Variants in SORBS2 observed in about 807,000 individuals in gnomAD.
The protein encoded by SORBS2 is sorbin and SH3 domain containing 2.
SORBS2 carries 46 observed loss-of-function variants against 97.7 expected under a neutral mutation model. That is an observed-to-expected ratio of 0.47 (90% CI 0.37 to 0.60). The LOEUF is 0.60. SORBS2 is among the 20% of genes least tolerant of loss of function. SORBS2 has a pLI of 0.00. For missense variants in SORBS2, 1,316 were observed against 1,282.3 expected, an observed-to-expected ratio of 1.03 and a Z score of -0.40; for synonymous variants, 476 against 473.4, an observed-to-expected ratio of 1.01 and a Z score of -0.07.
chr4:185,908,752 T>C (rs138444700), intron 1 of SORBS2, among the ~76,000 whole-genome samples: 1 of 152,134 alleles, frequency 6.6e-6, no homozygotes, highest in Non-Finnish European at 1.5e-5. Flanking sequence ...GAGTAAGATA[T>C]AGGAGACCCA....
At chr4:185,751,897 G>T (rs1380072253) in intron 2 of SORBS2, among the ~76,000 whole-genome samples, 1 of 152,140 alleles carries the variant, frequency 6.6e-6, no homozygotes, top group Non-Finnish European at 1.5e-5. Context: ...CTAGGATAGT[G>T]GTGCTCAACC....
intron 1 of SORBS2, among the ~76,000 whole-genome samples, chr4:185,893,759 G>A (rs367959605): frequency 1.3e-5 from 2 of 152,140 alleles, no homozygotes; most frequent in South Asian, 4.1e-4. Context: ...AGGCAACAAG[G>A]TTATGGGAGA....
In SORBS2 at chr4:185,593,949, A is replaced by G. The variant is rs1561284919; in HGVS notation, c.2797-14T>C. 6.3e-7 allele frequency: 1 copy of G among 1,582,250 alleles called. No individual in the cohort carries two copies. Among genetic ancestry groups the G allele is most frequent in the Admixed American group, 1.7e-5 (1 of 59,946 alleles). On this transcript the variant is annotated splice_polypyrimidine_tract_variant and intron_variant, in intron 12 of 14. Transcript: ENST00000418609. ...AGGACGCTGTGGCTGAAATGAAATG[A>G]TTTTCAATGTAATCAATGTTTAAAC...
At chr4:185,594,308 G>A (rs924672224) in intron 12 of SORBS2, among the ~76,000 whole-genome samples, 18 of 152,080 alleles carry the variant, frequency 1.2e-4, no homozygotes, top group African/African-American at 3.9e-4. Flanking sequence ...ATTCTCCAGC[G>A]TTTTCTCAAA....
At position 185,641,518 on chromosome 4, in the gene SORBS2, C is replaced by T. The variant is rs141198668; in HGVS notation, c.396+5150G>A. 1.1e-4 allele frequency among the ~76,000 whole-genome samples: 16 copies of T among 152,232 alleles called. No homozygotes were observed. In the East Asian group the frequency reaches 3.1e-3, roughly 29 times the overall value. ...AGAAGCCTCGCAACAGTCAGTGACA[C>T]ACATACAGATGGTCAGTCAACAGAT... is the stretch of plus-strand genomic sequence containing the variant. On this transcript the variant is annotated intron_variant, in intron 4 of 14. Coordinates refer to ENST00000418609, the Ensembl canonical transcript of SORBS2.
intron 5 of SORBS2, among the ~76,000 whole-genome samples, chr4:185,627,513 C>T (rs528712538): frequency 3.3e-4 from 50 of 152,226 alleles, no homozygotes; most frequent in Admixed American, 1.1e-3. Flanking sequence ...CCACTGTGCC[C>T]GGACAACTAA....
rs191734127 is a variant in SORBS2, at chr4:185,695,227, A to G, written c.-197-16405T>C. On this transcript the variant is annotated intron_variant, in intron 2 of 20. Transcript: ENST00000284776. ...TATCAGGCATCCCATTCTGAAGAGC[A>G]GCAGAGACAAAATCCTTTCCCCAGT... Among the ~76,000 whole-genome samples, 17 of 152,278 alleles carry G rather than the reference A, an allele frequency of 1.1e-4. 1 individual carries two copies. The East Asian group carries it at 2.5e-3, about 23-fold the overall frequency.
Position 185,607,248 on chromosome 4 carries a change from T to C in SORBS2, c.2796+4532A>G. 1 of 1,227,892 alleles carries C rather than the reference T, an allele frequency of 8.1e-7. No homozygotes were observed. Among genetic ancestry groups the C allele is most frequent in the African/African-American group, 1.6e-5 (1 of 62,014 alleles). The allele number at this position is 1,227,892 out of a possible 1,614,324, so 76.1% of individuals were successfully genotyped here. ...AAGGGTTTGCTGGTAGACATGAGGC[T>C]GTCAGGGACAACCAGCCCTGGCCAG... On this transcript the variant is annotated intron_variant, in intron 12 of 14. Coordinates refer to ENST00000418609, the Ensembl canonical transcript of SORBS2. This position sits in a 1 kb window ranked among gnomAD's most constrained non-coding sequence, Gnocchi z 5.2.
intron 4 of SORBS2, chr4:185,645,488 T>C (rs1581703277): frequency 1.3e-5 from 2 of 152,222 alleles, no homozygotes; most frequent in East Asian, 3.9e-4. Context: ...TAGACAAATA[T>C]CATGTATGAA....
chr4:185,936,561 T>C (rs1456806636), intron 1 of SORBS2, among the ~76,000 whole-genome samples: 2 of 152,172 alleles, frequency 1.3e-5, no homozygotes, highest in Non-Finnish European at 2.9e-5. Flanking sequence ...TTAAAGTAAA[T>C]TTCCTCAAAT....
rs748666476 is a variant in SORBS2 at position 185,623,766 on chromosome 4, T to A, written c.1363A>T (p.Ile455Phe). 1 of 1,613,568 alleles carries A rather than the reference T, an allele frequency of 6.2e-7. No homozygotes were observed. Among genetic ancestry groups the A allele is most frequent in the African/African-American group, 1.3e-5 (1 of 74,872 alleles). Residue 455 changes from isoleucine (I) to phenylalanine (F), a missense_variant, in exon 7 of 15, where the codon ATT (isoleucine) becomes TTT (phenylalanine). By Grantham distance (21) the Ile-to-Phe change is conservative. Transcript: ENST00000418609. This position sits in a 1 kb window ranked among gnomAD's most constrained non-coding sequence, Gnocchi z 6.4. Reference sequence around the variant, plus strand: ...TTTTCTTCCTCCAGCAAATACTCAATGGAAAACCGCCTCTTGGGACATAGG... The same window carrying A: ...TTTTCTTCCTCCAGCAAATACTCAAAGGAAAACCGCCTCTTGGGACATAGG...
rs548520410 is a variant in SORBS2, at chr4:185,778,789, T to C, written c.-337-3423A>G. Among the ~76,000 whole-genome samples the C allele has an allele frequency of 3.1e-4, 47 of 152,240 alleles. 1 individual carries two copies. The South Asian group carries it at 8.1e-3, about 26-fold the overall frequency. On this transcript the variant is annotated intron_variant, in intron 1 of 20. Coordinates refer to the SORBS2 transcript ENST00000284776. ...GGCATAGTTGACACAGATCAAACCATATTAGAGGGTATTTACATCCCAAAA... is the reference window on the plus strand; with the variant it reads ...GGCATAGTTGACACAGATCAAACCACATTAGAGGGTATTTACATCCCAAAA...
intron 1 of SORBS2, among the ~76,000 whole-genome samples, chr4:185,802,312 A>G (rs901776812): frequency 1.3e-5 from 2 of 152,170 alleles, no homozygotes; most frequent in South Asian, 2.1e-4. Flanking sequence ...AGCTCTTTCA[A>G]TGGCTTCCTG....
intron 1 of SORBS2, among the ~76,000 whole-genome samples, chr4:185,834,311 A>T (rs2099206774): frequency 6.6e-6 from 1 of 152,116 alleles, no homozygotes; most frequent in South Asian, 2.1e-4. Context: ...TCCACCTCCA[A>T]CATTGAGGAT....
At chr4:185,877,898 GAAAGA>G (rs2099234567) in intron 1 of SORBS2, among the ~76,000 whole-genome samples, 1 of 131,742 alleles carries the variant, frequency 7.6e-6, no homozygotes, top group Non-Finnish European at 1.7e-5. Context: ...AAAGAAAGAA[GAAAGA>G]AAAGAAAGAA....
chr4:185,764,681 T>C (rs1402907686), intron 2 of SORBS2, among the ~76,000 whole-genome samples: 1 of 152,182 alleles, frequency 6.6e-6, no homozygotes, highest in Non-Finnish European at 1.5e-5. Context: ...TTACTTCCTA[T>C]GTAGAATTTA....
chr4:185,780,009 T>A (rs984575168), intron 1 of SORBS2, among the ~76,000 whole-genome samples: 8 of 108,696 alleles, frequency 7.4e-5, no homozygotes, highest in Non-Finnish European at 9.6e-5. Flanking sequence ...AGAGTAACAT[T>A]TTTTTTTTTT....
chr4:185,643,286 G>A (rs1173830144), intron 4 of SORBS2, among the ~76,000 whole-genome samples: 1 of 152,166 alleles, frequency 6.6e-6, no homozygotes, highest in East Asian at 1.9e-4. Flanking sequence ...TGGTGGGGAG[G>A]TGCAGCCTTT....
intron 2 of SORBS2, among the ~76,000 whole-genome samples, chr4:185,716,574 T>G (rs1471074312): frequency 6.6e-6 from 1 of 151,798 alleles, no homozygotes; most frequent in African/African-American, 2.4e-5. Flanking sequence ...AATTCACGAA[T>G]CAGGTTTTCT....
Sources: allele counts gnomAD v4.1 joint callset (sites outside exome capture counted in the v4.1 genomes callset), GRCh38; gene constraint gnomAD v4.1.1; non-coding constraint Gnocchi (gnomAD v3.1); transcripts MANE v1.5; gene names NCBI Gene and HGNC (gene_info 2026-07-23, HGNC 2026-07-21).